ARHGEF28: variants seen among roughly 807,000 people sequenced by gnomAD.
ARHGEF28 encodes Rho guanine nucleotide exchange factor 28, also known as 190 kDa guanine nucleotide exchange factor.
Under a neutral mutation model 206.6 loss-of-function variants are expected in ARHGEF28, and 152 were observed. The ratio of observed to expected loss-of-function variants is 0.74; its 90% CI spans 0.64 to 0.84. The LOEUF (loss-of-function observed/expected upper bound fraction) is 0.84. Among genes scored for constraint, ARHGEF28 ranks in the 40% least tolerant of loss-of-function variants. The pLI, the probability that ARHGEF28 is intolerant of heterozygous loss-of-function variation, is 0.00. For missense variants in ARHGEF28, 2,028 were observed against 2,073.2 expected, an observed-to-expected ratio of 0.98 and a Z score of 0.42; for synonymous variants, 763 against 776.4, an observed-to-expected ratio of 0.98 and a Z score of 0.29.
intron 35 of ARHGEF28, among the ~76,000 whole-genome samples, chr5:73,936,775 C>T (rs1764445582): frequency 1.3e-5 from 2 of 151,740 alleles, no homozygotes; most frequent in South Asian, 4.2e-4. Flanking sequence ...ACTATGTTGC[C>T]CAGGCTGGTC....
At chr5:73,881,773 A>G (rs1346280182) in intron 22 of ARHGEF28, among the ~76,000 whole-genome samples, 1 of 152,226 alleles carries the variant, frequency 6.6e-6, no homozygotes, top group Non-Finnish European at 1.5e-5. Flanking sequence ...ACAGCACCTT[A>G]TGATTCTAAG....
At chr5:73,683,117 G>GT (rs1747213604) in intron 1 of ARHGEF28, among the ~76,000 whole-genome samples, 1 of 151,978 alleles carries the variant, frequency 6.6e-6, no homozygotes, top group African/African-American at 2.4e-5. Context: ...AGTGATGCTG[G>GT]GTTTTTTTTG....
intron 2 of ARHGEF28, among the ~76,000 whole-genome samples, chr5:73,703,236 G>A (rs1490597992): frequency 6.6e-6 from 1 of 152,176 alleles, no homozygotes; most frequent in Non-Finnish European, 1.5e-5. Flanking sequence ...TGGTACTGAA[G>A]ACAATAATAA....
chr5:73,785,322 A>G (rs1401616770), intron 7 of ARHGEF28, among the ~76,000 whole-genome samples: 1 of 152,072 alleles, frequency 6.6e-6, no homozygotes, highest in Non-Finnish European at 1.5e-5. Context: ...CTTTTTTCGC[A>G]GTTCTCAACC....
At chr5:73,646,490 C>T (rs1229984202) in intron 1 of ARHGEF28, among the ~76,000 whole-genome samples, 2 of 152,184 alleles carry the variant, frequency 1.3e-5, no homozygotes, top group Non-Finnish European at 2.9e-5. Context: ...GGTGTTCCCG[C>T]TCTCCATCTT....
Position 73,773,915 on chromosome 5 carries a change from C to T in ARHGEF28, c.536C>T (p.Ser179Phe), listed in dbSNP as rs1395400149. The T allele has an allele frequency of 6.2e-7, 1 of 1,608,890 alleles. No homozygotes were observed. The highest frequency in any genetic ancestry group is 2.2e-5 in the East Asian group (1 of 44,810). The change falls in exon 5 of 36, where the codon TCC becomes TTC. Residue 179 changes from serine to phenylalanine, a missense_variant. Coordinates refer to ENST00000513042, the MANE Select transcript of ARHGEF28 (RefSeq NM_001177693.2). ...ATGAGATGGGGCCTGGCTAAACTTT[C>T]CCAGTTCTTCTTGTGTCTCCCGGGG... Reference protein sequence around the residue: ...LAMRWGLAKLSQFFLCLPGGV... With the variant: ...LAMRWGLAKLFQFFLCLPGGV...
intron 35 of ARHGEF28, among the ~76,000 whole-genome samples, chr5:73,913,355 T>C (rs1763015561): frequency 6.6e-6 from 1 of 152,200 alleles, no homozygotes; most frequent in African/African-American, 2.4e-5. Context: ...TTATGTTTAC[T>C]TCATGATAAG....
At chr5:73,824,523 G>A (rs1756780537) in intron 9 of ARHGEF28, among the ~76,000 whole-genome samples, 2 of 151,562 alleles carry the variant, frequency 1.3e-5, no homozygotes, top group South Asian at 4.2e-4. Context: ...AGGCTGGAGT[G>A]CGGTAGCATG....
intron 2 of ARHGEF28, among the ~76,000 whole-genome samples, chr5:73,711,275 A>G (rs1013771483): frequency 5.9e-5 from 9 of 152,100 alleles, no homozygotes; most frequent in Non-Finnish European, 7.4e-5. Context: ...TGGTCCTCCA[A>G]CTTTCTTCTT....
chr5:73,807,710 TC>T (rs1448997280), intron 9 of ARHGEF28, among the ~76,000 whole-genome samples: 2 of 151,990 alleles, frequency 1.3e-5, no homozygotes, highest in Non-Finnish European at 2.9e-5. Context: ...GGTCTCGAAC[TC>T]CTGACCTCAG....
intron 34 of ARHGEF28, among the ~76,000 whole-genome samples, chr5:73,910,771 T>A (rs573857881): frequency 2.0e-5 from 3 of 152,360 alleles, no homozygotes; most frequent in South Asian, 4.1e-4. Flanking sequence ...GTGTCTTTTC[T>A]AATCATGCTT....
At chr5:73,776,127 A>G (rs7710068) in intron 5 of ARHGEF28, among the ~76,000 whole-genome samples, 72,453 of 152,068 alleles carry the variant, frequency 0.48, 17,229 homozygotes, top group South Asian at 0.52. Context: ...CACAGTAATC[A>G]CCTAATAAAC....
In ARHGEF28 at chr5:73,863,630, G is replaced by A. The variant is rs148270119; in HGVS notation, c.2048-1187G>A. 2.9e-3 allele frequency among the ~76,000 whole-genome samples: 444 copies of A among 151,266 alleles called. 2 individuals are homozygous for A. Among genetic ancestry groups the A allele is most frequent in the African/African-American group, 0.01 (419 of 41,216 alleles). On this transcript the variant is annotated intron_variant, in intron 16 of 35. Transcript: ENST00000513042. ...TTCATTCTATTTTACTGAGGCCCCCGTCTTCTGTCTCTTATCAAGAACAAT... is the reference window on the plus strand; with the variant it reads ...TTCATTCTATTTTACTGAGGCCCCCATCTTCTGTCTCTTATCAAGAACAAT...
intron 35 of ARHGEF28, among the ~76,000 whole-genome samples, chr5:73,928,477 G>A (rs1243388436): frequency 4.6e-5 from 7 of 152,156 alleles, no homozygotes; most frequent in African/African-American, 1.7e-4. Flanking sequence ...TTTTTAAGAA[G>A]TCTGGTAATA....
At chr5:73,928,368 A>G (rs1385640663) in intron 35 of ARHGEF28, among the ~76,000 whole-genome samples, 1 of 152,190 alleles carries the variant, frequency 6.6e-6, no homozygotes, top group African/African-American at 2.4e-5. Flanking sequence ...GTGAGCTGAG[A>G]TCGCGCCACT....
intron 1 of ARHGEF28, among the ~76,000 whole-genome samples, chr5:73,679,523 C>T (rs573479565): frequency 1.3e-4 from 19 of 149,306 alleles, no homozygotes; most frequent in East Asian, 9.9e-4. Flanking sequence ...GCTGAGATCA[C>T]GCCACTGCAC....
chr5:73,755,061 A>G (rs1359638717), intron 4 of ARHGEF28, among the ~76,000 whole-genome samples: 2 of 151,678 alleles, frequency 1.3e-5, no homozygotes, highest in Non-Finnish European at 2.9e-5. Flanking sequence ...CTAAGCCCTT[A>G]TATACAAGGG....
intron 9 of ARHGEF28, among the ~76,000 whole-genome samples, chr5:73,823,602 T>G (rs1405052416): frequency 6.6e-6 from 1 of 152,212 alleles, no homozygotes; most frequent in African/African-American, 2.4e-5. Context: ...TGTGAATGTT[T>G]TCTCAGCAAG....
intron 12 of ARHGEF28, 137 bp from the exon 13 acceptor site, chr5:73,848,839 C>A (rs185657185): frequency 3.0e-6 from 2 of 656,858 alleles, no homozygotes; most frequent in Non-Finnish European, 5.1e-6. Context: ...AAAACAGAAA[C>A]ACATAATGAG....
Sources: allele counts gnomAD v4.1 joint callset (sites outside exome capture counted in the v4.1 genomes callset), GRCh38; gene constraint gnomAD v4.1.1; transcripts MANE v1.5; gene names NCBI Gene and HGNC (gene_info 2026-07-23, HGNC 2026-07-21).